Variants in ITGB8 observed in about 807,000 individuals in gnomAD.
The protein encoded by ITGB8 is integrin subunit beta 8, also known as integrin beta-8.
ITGB8 carries 30 observed loss-of-function variants against 89.5 expected under a neutral mutation model. The ratio of observed to expected loss-of-function variants is 0.34; its 90% confidence interval spans 0.25 to 0.45. ITGB8 has a LOEUF of 0.45. Among genes scored for constraint, ITGB8 ranks in the 20% least tolerant of loss-of-function variants. ITGB8 has a pLI of 1.00. For synonymous variants in ITGB8, 335 were observed against 320.4 expected (o/e 1.05, Z -0.49); for missense variants, 836 against 933.3 (o/e 0.90, Z 1.36).
intron 1 of ITGB8, among the ~76,000 whole-genome samples, chr7:20,341,584 T>G (rs917809697): frequency 6.6e-6 from 1 of 152,190 alleles, no homozygotes; most frequent in Non-Finnish European, 1.5e-5. Context: ...ACATGATACT[T>G]TGTAACATCT....
At chr7:20,341,609 C>T (rs911909004) in intron 1 of ITGB8, among the ~76,000 whole-genome samples, 2 of 152,116 alleles carry the variant, frequency 1.3e-5, no homozygotes, top group African/African-American at 4.8e-5. Flanking sequence ...GGACTGTGGT[C>T]ACATGGGAGA....
At chr7:20,341,889 T>TA (rs372857680) in intron 1 of ITGB8, among the ~76,000 whole-genome samples, 3,206 of 139,996 alleles carry the variant, frequency 0.023, 116 homozygotes, top group Admixed American at 0.1. Context: ...ATGTTTGAGT[T>TA]AAAAAAAAAA....
At chr7:20,349,872 T>C (rs187217509) in intron 1 of ITGB8, among the ~76,000 whole-genome samples, 1 of 152,310 alleles carries the variant, frequency 6.6e-6, no homozygotes, top group East Asian at 1.9e-4. Flanking sequence ...ACTTTATCGA[T>C]ATAATGTACA....
rs182557804 is a variant in ITGB8 at position 20,370,145 on chromosome 7, C to T, written c.388+2959C>T. On this transcript the variant is annotated intron_variant, in intron 3 of 13. Coordinates refer to ENST00000222573, the MANE Select transcript of ITGB8 (RefSeq NM_002214.3). ...AAAAGAATAAAATGGATGTATAAAT[C>T]CAGAGAACCAGAGAGCTGGTTCTCT... Among the ~76,000 whole-genome samples the T allele has an allele frequency of 1.3e-3, 199 of 151,400 alleles. 7 individuals carry two copies. In the South Asian group the frequency reaches 0.031, roughly 23 times the overall value.
In ITGB8 at chr7:20,366,754, ACT is replaced by A. The variant is rs199854722; in HGVS notation, c.214-255_214-254del. The A allele has an allele frequency of 8.7e-6, 3 of 343,750 alleles. No homozygotes were observed. In the East Asian group the frequency reaches 2.2e-4, roughly 26 times the overall value. The allele number at this position is 343,750 out of a possible 1,614,324, so 21.3% of individuals were successfully genotyped here. A position where few individuals can be genotyped will look rare whatever the true frequency, so the allele number is the denominator to read the frequency against. On this transcript the variant is annotated intron_variant, in intron 2 of 13. Transcript: ENST00000222573. The stretch of plus-strand genomic sequence containing the variant: ...CACTCCAGCCTGGATCAGGAGGGAG[ACT>A]CTGTCTCCGACACAGAAAAAAAAAG...
rs142091132 is a variant in ITGB8 at position 20,363,280 on chromosome 7, T to C, written c.128-357T>C. On this transcript the variant is annotated intron_variant, in intron 1 of 13. Transcript: ENST00000222573. ...CAAAGCACCTATTTGTTTCAGAGAA[T>C]AGGAAATACAGTGAAACTTACTAAA... Among the ~76,000 whole-genome samples, 42 of 152,326 alleles carry C rather than the reference T, an allele frequency of 2.8e-4. 1 individual carries two copies. The East Asian group carries it at 7.7e-3, about 28-fold the overall frequency.
At chr7:20,359,200 G>A (rs570538624) in intron 1 of ITGB8, among the ~76,000 whole-genome samples, 11 of 152,146 alleles carry the variant, frequency 7.2e-5, no homozygotes, top group African/African-American at 2.2e-4. Context: ...TGGGCTTTAT[G>A]AGGCACTGAG....
intron 1 of ITGB8, among the ~76,000 whole-genome samples, chr7:20,361,663 T>G (rs1785509862): frequency 6.6e-6 from 1 of 152,192 alleles, no homozygotes; most frequent in African/African-American, 2.4e-5. Context: ...CCACAGCAGT[T>G]TGCAAATGTG....
At chr7:20,378,917 A>G (rs1196957498) in intron 3 of ITGB8, 134 bp from the exon 4 acceptor site, 1 of 406,176 alleles carries the variant, frequency 2.5e-6, no homozygotes, top group Non-Finnish European at 4.2e-6. Context: ...TTATAATTAC[A>G]CTAGCATATT....
At chr7:20,339,192 A>C (rs1485975532) in intron 1 of ITGB8, among the ~76,000 whole-genome samples, 2 of 996 alleles carry the variant, frequency 2.0e-3, no homozygotes, top group Admixed American at 0.014. Flanking sequence ...CTCCATCTCG[A>C]AAAAAAAAAA....
chr7:20,407,757 C>G (rs771323483), intron 12 of ITGB8, among the ~76,000 whole-genome samples: 4 of 152,206 alleles, frequency 2.6e-5, no homozygotes, highest in Non-Finnish European at 5.9e-5. Context: ...ACTACTTTGA[C>G]TTAAGTGTTG....
chr7:20,383,713 A>G (rs1377602026), intron 6 of ITGB8, among the ~76,000 whole-genome samples: 3 of 152,170 alleles, frequency 2.0e-5, no homozygotes, highest in Non-Finnish European at 1.5e-5. Context: ...CATGTTATAG[A>G]ACCTTATGGA....
chr7:20,398,622 T>A (rs1198906532), intron 8 of ITGB8, among the ~76,000 whole-genome samples: 1 of 152,162 alleles, frequency 6.6e-6, no homozygotes, highest in African/African-American at 2.4e-5. Flanking sequence ...GTCATGGAAA[T>A]ATGTAAAAAA....
intron 1 of ITGB8, among the ~76,000 whole-genome samples, chr7:20,359,099 A>T (rs1358823003): frequency 6.6e-6 from 1 of 151,978 alleles, no homozygotes; most frequent in Middle Eastern, 3.2e-3. Context: ...CATTTTCTTT[A>T]TCCAGCCCAC....
intron 2 of ITGB8, chr7:20,366,459 T>C (rs1380942583): frequency 1.3e-5 from 2 of 152,026 alleles, no homozygotes; most frequent in Admixed American, 1.3e-4. Context: ...TTGATGAAAA[T>C]AACAACCAAT....
At chr7:20,346,241 G>A (rs1784918861) in intron 1 of ITGB8, among the ~76,000 whole-genome samples, 1 of 152,130 alleles carries the variant, frequency 6.6e-6, no homozygotes, top group Non-Finnish European at 1.5e-5. Context: ...AGTTCTCAGG[G>A]GAGAGCCAGG....
chr7:20,363,573 G>T, intron 1 of ITGB8, 64 bp from the exon 2 acceptor site: 1 of 944,224 alleles, frequency 1.1e-6, no homozygotes, highest in South Asian at 1.9e-5. Flanking sequence ...TTTCATTTTA[G>T]TCTAGAATTA....
At chr7:20,369,797 A>C (rs574301194) in intron 3 of ITGB8, among the ~76,000 whole-genome samples, 99 of 152,324 alleles carry the variant, frequency 6.5e-4, no homozygotes, top group South Asian at 2.1e-3. Context: ...GTCAATACAA[A>C]ATAATAAATA....
At chr7:20,347,310 T>A (rs1042602150) in intron 1 of ITGB8, among the ~76,000 whole-genome samples, 2 of 152,126 alleles carry the variant, frequency 1.3e-5, no homozygotes, top group Non-Finnish European at 2.9e-5. Context: ...GATTGTTTAG[T>A]AGGGTAGTAA....
Sources: gnomAD v4.1 joint callset for allele counts (sites outside exome capture counted in the v4.1 genomes callset) on GRCh38, gnomAD v4.1.1 for gene constraint, MANE v1.5 for transcripts, NCBI Gene and HGNC (gene_info 2026-07-23, HGNC 2026-07-21) for gene names.